CACNG6: variants seen among roughly 807,000 people sequenced by gnomAD.
CACNG6 encodes calcium voltage-gated channel auxiliary subunit gamma 6, also known as voltage-dependent calcium channel gamma-6 subunit.
Under a neutral mutation model 23.9 loss-of-function variants are expected in CACNG6, and 21 were observed. The ratio of observed to expected loss-of-function variants is 0.88; its 90% confidence interval spans 0.62 to 1.26. The LOEUF (loss-of-function observed/expected upper bound fraction) is 1.26, where lower values mean the gene tolerates loss of function less well. Ranked by LOEUF, CACNG6 falls within the 50% of genes most tolerant of loss-of-function variation. The pLI, the probability that CACNG6 is intolerant of heterozygous loss-of-function variation, is 0.00. For synonymous variants in CACNG6, 182 were observed against 168.9 expected (o/e 1.08, Z -0.60); for missense variants, 340 against 352.9 (o/e 0.96, Z 0.29).
At chr19:54,005,845 C>A (rs1438910224) in intron 3 of CACNG6, among the ~76,000 whole-genome samples, 1 of 151,234 alleles carries the variant, frequency 6.6e-6, no homozygotes, top group East Asian at 2.0e-4. Context: ...TATCCCATAA[C>A]TTTGGGAGCC....
chr19:54,002,118 C>T (rs532179450), intron 3 of CACNG6, among the ~76,000 whole-genome samples: 79 of 151,128 alleles, frequency 5.2e-4, no homozygotes, highest in Non-Finnish European at 8.0e-4. Flanking sequence ...GACAGGGTCT[C>T]GCTCTCTCAT....
intron 2 of CACNG6, 48 bp downstream of exon 2, chr19:53,998,361 A>G: frequency 6.5e-7 from 1 of 1,534,372 alleles, no homozygotes; most frequent in Non-Finnish European, 9.0e-7. Flanking sequence ...GGAAATGCTG[A>G]GCGTGCTGGA....
chr19:54,004,481 G>A (rs2069617149), intron 3 of CACNG6, among the ~76,000 whole-genome samples: 1 of 151,942 alleles, frequency 6.6e-6, no homozygotes, highest in Non-Finnish European at 1.5e-5. Flanking sequence ...GCCTCCCAAA[G>A]TGTTGGGATT....
rs1209217743 is a variant in CACNG6, at chr19:54,012,112, G to A, written c.706G>A (p.Gly236Ser). 6.4e-6 allele frequency: 10 copies of A among 1,565,114 alleles called. No individual in the cohort carries two copies. The highest frequency in any genetic ancestry group is 8.6e-6 in the Non-Finnish European group (10 of 1,157,344). The stretch of plus-strand genomic sequence containing the variant: ...CGGCCTGATCCTGCTGTTGGGGGCC[G>A]GCTGCTTTCTGCTGCTCACACTGCC... Reference protein sequence around the residue: ...GAGLILLLGAGCFLLLTLPSW... With the variant: ...GAGLILLLGASCFLLLTLPSW... The change falls in exon 4 of 4, where the codon GGC (glycine) becomes AGC (serine). Residue 236 changes from glycine (G) to serine (S), a missense_variant. Physicochemically the swap from Gly to Ser is moderately conservative, Grantham distance 56. Transcript: ENST00000252729.
chr19:53,996,472 A>T lies in CACNG6; in HGVS notation c.332-1767A>T, dbSNP rs565980001. Among the ~76,000 whole-genome samples the T allele has an allele frequency of 4.6e-5, 7 of 151,102 alleles. No homozygotes were observed. In the East Asian group the frequency reaches 1.4e-3, roughly 29 times the overall value. ...CAGTGGTGCCATCTCAGCTCACTGC[A>T]ACCTCTGCTTCCCGGGTTCAAGCGA... On this transcript the variant is annotated intron_variant, in intron 1 of 3. Coordinates refer to ENST00000252729, the MANE Select transcript of CACNG6 (RefSeq NM_145814.2).
rs1372473045 is a variant in CACNG6 at position 54,004,334 on chromosome 19, TTTGTGTGTGTGTGTGTGTGTGTGTGTGTG to T, written c.544+4565_544+4593del. Reference sequence around the variant, plus strand: ...CACCACGCCTGGTTAATTTTGTATTTTTGTGTGTGTGTGTGTGTGTGTGTGTGTGTGTGTGTGTGTGTGTGTGTGTGTGT... The same window carrying T: ...CACCACGCCTGGTTAATTTTGTATTTTGTGTGTGTGTGTGTGTGTGTGTGT... On this transcript the variant is annotated intron_variant, in intron 3 of 3. Coordinates refer to ENST00000252729, the MANE Select transcript of CACNG6 (RefSeq NM_145814.2). Among the ~76,000 whole-genome samples the T allele has an allele frequency of 3.0e-3, 383 of 126,542 alleles. 1 individual carries two copies. The highest frequency in any genetic ancestry group is 3.7e-3 in the Non-Finnish European group (234 of 62,826). The allele number at this position is 126,542 out of a possible 152,430, so 83.0% of individuals were successfully genotyped here.
At chr19:54,003,155 A>G (rs560422741) in intron 3 of CACNG6, among the ~76,000 whole-genome samples, 4 of 152,276 alleles carry the variant, frequency 2.6e-5, no homozygotes, top group African/African-American at 9.6e-5. Context: ...CATGTACTTC[A>G]TACAGAGATG....
At position 53,991,973 on chromosome 19, in the gene CACNG6, C is replaced by G. The variant is rs2069465517; in HGVS notation, c.-905C>G. Reference sequence around the variant, plus strand: ...GTGAGCCCCAGGAGGGCCCCCGGTCCCATCTGCCCCAGCCCTCGGGGAGGC... The same window carrying G: ...GTGAGCCCCAGGAGGGCCCCCGGTCGCATCTGCCCCAGCCCTCGGGGAGGC... On this transcript the variant is annotated 5_prime_UTR_variant, in exon 1 of 4. Coordinates refer to ENST00000252729, the MANE Select transcript of CACNG6 (RefSeq NM_145814.2). 6.6e-6 allele frequency among the ~76,000 whole-genome samples: 1 copy of G among 152,064 alleles called. No homozygotes were observed. The highest frequency in any genetic ancestry group is 1.5e-5 in the Non-Finnish European group (1 of 68,018).
intron 3 of CACNG6, among the ~76,000 whole-genome samples, chr19:54,007,321 G>A (rs2069659146): frequency 6.6e-6 from 1 of 152,184 alleles, no homozygotes; most frequent in Non-Finnish European, 1.5e-5. Context: ...AATGACAGGC[G>A]TGAGCCACTG....
intron 3 of CACNG6, among the ~76,000 whole-genome samples, chr19:54,006,119 T>TAAATAAATAAAC (rs1334248469): frequency 1.4e-5 from 2 of 145,150 alleles, no homozygotes; most frequent in Non-Finnish European, 3.1e-5. Flanking sequence ...AATAAATAAA[T>TAAATAAATAAAC]AAAATAAGAA....
chr19:53,993,517 C>T (rs528387463), intron 1 of CACNG6, among the ~76,000 whole-genome samples: 1 of 130,240 alleles, frequency 7.7e-6, no homozygotes, highest in South Asian at 2.4e-4. Flanking sequence ...GTCTGTGCCC[C>T]CAGGCCATCC....
chr19:54,011,141 T>C (rs2069701910), intron 3 of CACNG6, among the ~76,000 whole-genome samples: 1 of 143,074 alleles, frequency 7.0e-6, no homozygotes, highest in African/African-American at 2.6e-5. Context: ...CCACTTGAGG[T>C]CAGGAGTTCC....
chr19:54,009,717 A>G (rs1391497088), intron 3 of CACNG6, among the ~76,000 whole-genome samples: 1 of 151,714 alleles, frequency 6.6e-6, no homozygotes, highest in African/African-American at 2.4e-5. Flanking sequence ...CAAGTAATAT[A>G]TAAGCTCCAC....
At chr19:54,001,902 G>A (rs548415583) in intron 3 of CACNG6, among the ~76,000 whole-genome samples, 1 of 152,194 alleles carries the variant, frequency 6.6e-6, no homozygotes, top group African/African-American at 2.4e-5. Context: ...ATGTAATTGG[G>A]GCAAACCTTT....
At chr19:54,008,029 A>G (rs367850559) in intron 3 of CACNG6, among the ~76,000 whole-genome samples, 1 of 152,288 alleles carries the variant, frequency 6.6e-6, no homozygotes, top group East Asian at 1.9e-4. Flanking sequence ...TTTAAATCAC[A>G]GCATCCTGGC....
rs2069541228 is a variant in CACNG6, at chr19:53,998,301, A to C, written c.394A>C (p.Thr132Pro). Residue 132 changes from threonine to proline, a missense_variant, in exon 2 of 4, where the codon ACC becomes CCC. Physicochemically the swap from Thr to Pro is conservative, Grantham distance 38. Transcript: ENST00000252729. ...GGAGAATGCACGCATCTTTCAGAGA[A>C]CCACAAAGAAAGGTGAGAACTTTTC... ...TGENARIFQR[T>P]TKKEVNLAAA... is the part of the protein sequence containing the mutation. The C allele has an allele frequency of 1.2e-6, 2 of 1,613,928 alleles. No individual in the cohort carries two copies. The highest frequency in any genetic ancestry group is 8.5e-7 in the Non-Finnish European group (1 of 1,179,914).
rs1568809805 is a variant in CACNG6, at chr19:53,993,018, CG to C, written c.142del (p.Val48TrpfsTer90). ...TGAAGCTGGCGCTGCTGCTGGCCGCCGTGGGCGCCACGCTGGCGGTGCTGTC... is the reference window on the plus strand; with the variant it reads ...TGAAGCTGGCGCTGCTGCTGGCCGCCTGGGCGCCACGCTGGCGGTGCTGTC... ...KVKLALLLAA[V>X]GATLAVLSVG... On this transcript the variant is annotated frameshift_variant, in exon 1 of 4. Transcript: ENST00000252729. LOFTEE classifies it high-confidence loss of function. 2 of 1,465,816 alleles carry C rather than the reference CG, an allele frequency of 1.4e-6. No homozygotes were observed. The highest frequency in any genetic ancestry group is 1.8e-6 in the Non-Finnish European group (2 of 1,109,560). The allele number at this position is 1,465,816 out of a possible 1,614,324, so 90.8% of individuals were successfully genotyped here. A position where few individuals can be genotyped will look rare whatever the true frequency, so the allele number is the denominator to read the frequency against.
intron 3 of CACNG6, among the ~76,000 whole-genome samples, chr19:54,001,332 G>A (rs2069573577): frequency 6.6e-6 from 1 of 151,942 alleles, no homozygotes; most frequent in Non-Finnish European, 1.5e-5. Flanking sequence ...AGGATTACAG[G>A]TGTGTGCCAC....
At chr19:53,993,568 C>A (rs3893697) in intron 1 of CACNG6, among the ~76,000 whole-genome samples, 2 of 149,900 alleles carry the variant, frequency 1.3e-5, no homozygotes, top group South Asian at 4.2e-4. Flanking sequence ...CCCCCTCAGA[C>A]GAGTCTGTAC....
Sources: gnomAD v4.1 joint callset for allele counts (sites outside exome capture counted in the v4.1 genomes callset) on GRCh38, gnomAD v4.1.1 for gene constraint, MANE v1.5 for transcripts, NCBI Gene and HGNC (gene_info 2026-07-23, HGNC 2026-07-21) for gene names.